PRPF38A: variants seen among roughly 807,000 people sequenced by gnomAD.
The protein encoded by PRPF38A is pre-mRNA-splicing factor 38A.
PRPF38A carries 11 observed loss-of-function variants against 46.8 expected under a neutral mutation model. The ratio of observed to expected loss-of-function variants is 0.24; its 90% CI spans 0.15 to 0.39. The LOEUF is 0.39. Among genes scored for constraint, PRPF38A ranks in the 10% least tolerant of loss-of-function variants. The pLI is 1.00. For missense variants in PRPF38A, 261 were observed against 407.5 expected (o/e 0.64, Z 3.10); for synonymous variants, 124 against 136.2 (o/e 0.91, Z 0.62).
chr1:52,417,487 G>A lies in PRPF38A; in HGVS notation c.*797G>A, dbSNP rs573597976. ...TGGTTTTGACCTAAATTGCTAGACA[G>A]TCGTGCCATTCACAAAGTCAGAAAA... On this transcript the variant is annotated 3_prime_UTR_variant, in exon 10 of 10. Transcript: ENST00000257181. 1 of 152,204 alleles carries A rather than the reference G, an allele frequency of 6.6e-6. No homozygotes were observed. Among genetic ancestry groups the A allele is most frequent in the Non-Finnish European group, 1.5e-5 (1 of 68,042 alleles). 9.4% of individuals were successfully genotyped at this position (152,204 alleles called of 1,614,324 possible). A position where few individuals can be genotyped will look rare whatever the true frequency, so the allele number is the denominator to read the frequency against.
rs768719371 is a variant in PRPF38A at position 52,420,313 on chromosome 1, G to A, written c.*3623G>A. 1 of 152,094 alleles carries A rather than the reference G, an allele frequency of 6.6e-6. No homozygotes were observed. The highest frequency in any genetic ancestry group is 1.5e-5 in the Non-Finnish European group (1 of 68,002). The allele number at this position is 152,094 out of a possible 1,614,324, so 9.4% of individuals were successfully genotyped here. A position where few individuals can be genotyped will look rare whatever the true frequency, so the allele number is the denominator to read the frequency against. On this transcript the variant is annotated 3_prime_UTR_variant, in exon 10 of 10. Transcript: ENST00000257181. The stretch of plus-strand genomic sequence containing the variant: ...ACTTAGGAACAAAGAATCAGTAAAA[G>A]GAGTGTTAGTAAACACTTCAGAAAC...
Position 52,417,722 on chromosome 1 carries a change from A to G in PRPF38A, c.*1032A>G, listed in dbSNP as rs997053090. On this transcript the variant is annotated 3_prime_UTR_variant, in exon 10 of 10. Coordinates refer to ENST00000257181, the MANE Select transcript of PRPF38A (RefSeq NM_032864.4). Reference sequence around the variant, plus strand: ...GTTTAAGTAATGGTGGAATCTGTCAATAAGACTTCCCAGAGTGTTAATATA... The same window carrying G: ...GTTTAAGTAATGGTGGAATCTGTCAGTAAGACTTCCCAGAGTGTTAATATA... 2.6e-5 allele frequency: 4 copies of G among 152,210 alleles called. No homozygotes were observed. The highest frequency in any genetic ancestry group is 1.9e-4 in the East Asian group (1 of 5,198). 9.4% of individuals were successfully genotyped at this position (152,210 alleles called of 1,614,324 possible).
rs543781090 is a variant in PRPF38A at position 52,408,327 on chromosome 1, A to G, written c.291-242A>G. Reference sequence around the variant, plus strand: ...GTTTTATTCTAGTTTTACTGATGATATATTTGAAAGTTGATCAATATGTAT... The same window carrying G: ...GTTTTATTCTAGTTTTACTGATGATGTATTTGAAAGTTGATCAATATGTAT... On this transcript the variant is annotated intron_variant, in intron 2 of 9. Coordinates refer to ENST00000257181, the MANE Select transcript of PRPF38A (RefSeq NM_032864.4). The G allele has an allele frequency of 5.8e-5, 37 of 633,056 alleles. 1 individual carries two copies. Among genetic ancestry groups the G allele is most frequent in the South Asian group, 5.4e-4 (35 of 65,354 alleles). The allele number at this position is 633,056 out of a possible 1,614,324, so 39.2% of individuals were successfully genotyped here. A position where few individuals can be genotyped will look rare whatever the true frequency, so the allele number is the denominator to read the frequency against.
chr1:52,412,163 G>T (rs1236414536), intron 4 of PRPF38A, among the ~76,000 whole-genome samples: 4 of 152,184 alleles, frequency 2.6e-5, no homozygotes, highest in African/African-American at 9.7e-5. Flanking sequence ...GCCTCTTCTA[G>T]TGGAACTACC....
chr1:52,405,520 A>G (rs770084699), intron 1 of PRPF38A, among the ~76,000 whole-genome samples, 160 bp from the exon 2 acceptor site: 1 of 152,246 alleles, frequency 6.6e-6, no homozygotes, highest in Non-Finnish European at 1.5e-5. Flanking sequence ...ATCCATTCTC[A>G]ATGTATATTA....
At chr1:52,410,400 C>G (rs1215698467) in intron 3 of PRPF38A, among the ~76,000 whole-genome samples, 1 of 150,260 alleles carries the variant, frequency 6.7e-6, no homozygotes, top group East Asian at 1.9e-4. Flanking sequence ...ACGCAAATTA[C>G]TTAAATTTAG....
intron 3 of PRPF38A, among the ~76,000 whole-genome samples, chr1:52,410,115 CATAT>C (rs1396737386): frequency 2.7e-5 from 4 of 147,402 alleles, no homozygotes; most frequent in South Asian, 4.2e-4. Flanking sequence ...TATACATAAT[CATAT>C]ATAATTTATA....
At chr1:52,406,590 T>C (rs1648005159) in intron 2 of PRPF38A, among the ~76,000 whole-genome samples, 1 of 152,070 alleles carries the variant, frequency 6.6e-6, no homozygotes, top group African/African-American at 2.4e-5. Context: ...GACTATAATA[T>C]AAGAGTGAAA....
chr1:52,419,356 C>CAAAAAAAAA lies in PRPF38A; in HGVS notation c.*2674_*2682dup, dbSNP rs58201258. On this transcript the variant is annotated 3_prime_UTR_variant, in exon 10 of 10. Coordinates refer to ENST00000257181, the MANE Select transcript of PRPF38A (RefSeq NM_032864.4). The stretch of plus-strand genomic sequence containing the variant: ...GGGCAAAAAGAGCGAAACTCCATCT[C>CAAAAAAAAA]AAAAAAAAAAAAAAAAGAAGAAGAA... 1.1e-5 allele frequency: 1 copy of CAAAAAAAAA among 92,340 alleles called. No individual in the cohort carries two copies. 5.7% of individuals were successfully genotyped at this position (92,340 alleles called of 1,614,324 possible). A position where few individuals can be genotyped will look rare whatever the true frequency, so the allele number is the denominator to read the frequency against.
At chr1:52,410,133 A>T (rs1172762008) in intron 3 of PRPF38A, among the ~76,000 whole-genome samples, 38 of 122,978 alleles carry the variant, frequency 3.1e-4, no homozygotes, top group African/African-American at 2.6e-5. Context: ...ATTTATATAT[A>T]ACATAATTTA....
chr1:52,411,261 A>C, intron 4 of PRPF38A, 61 bp downstream of exon 4: 1 of 1,174,044 alleles, frequency 8.5e-7, no homozygotes, highest in South Asian at 1.2e-5. Flanking sequence ...CAGACAGACA[A>C]ACACATACAC....
Position 52,414,008 on chromosome 1 carries a change from G to T in PRPF38A, c.722+17G>T, listed in dbSNP as rs1162759234. ...TCCCAGAAGGTAAAGCCTAGTCATT[G>T]GCCTTTTCCCAGAAGATTTTGAGCA... On this transcript the variant is annotated intron_variant, in intron 6 of 9. Transcript: ENST00000257181. 1.3e-6 allele frequency: 2 copies of T among 1,546,350 alleles called. No individual in the cohort carries two copies. Among genetic ancestry groups the T allele is most frequent in the South Asian group, 2.2e-5 (2 of 89,388 alleles).
intron 5 of PRPF38A, among the ~76,000 whole-genome samples, chr1:52,412,832 G>A (rs532332042): frequency 1.2e-4 from 18 of 152,208 alleles, no homozygotes; most frequent in African/African-American, 3.9e-4. Context: ...GTGAAACCTC[G>A]TCTCTACTAA....
Position 52,418,663 on chromosome 1 carries a change from T to C in PRPF38A, c.*1973T>C, listed in dbSNP as rs1027160045. The C allele has an allele frequency of 2.0e-5, 3 of 152,236 alleles. No homozygotes were observed. Among genetic ancestry groups the C allele is most frequent in the Admixed American group, 6.5e-5 (1 of 15,282 alleles). 9.4% of individuals were successfully genotyped at this position (152,236 alleles called of 1,614,324 possible). On this transcript the variant is annotated 3_prime_UTR_variant, in exon 10 of 10. Coordinates refer to ENST00000257181, the MANE Select transcript of PRPF38A (RefSeq NM_032864.4). ...AAGAAGGAGGTAAGAGTAAGACATG[T>C]TGCATGTCTGTAGATATCGTTTTGA...
At chr1:52,411,018 A>C in intron 3 of PRPF38A, 97 bp from the exon 4 acceptor site, 1 of 814,000 alleles carries the variant, frequency 1.2e-6, no homozygotes, top group South Asian at 1.6e-5. Context: ...GGCCTAGCAC[A>C]TAGATGTCCT....
Position 52,416,827 on chromosome 1 carries a change from T to A in PRPF38A, c.*137T>A. The stretch of plus-strand genomic sequence containing the variant: ...TTATCAAGTTTCTCAACCTTTATTT[T>A]TAATGAAGGAGGTGCTGAGTTTTGT... On this transcript the variant is annotated 3_prime_UTR_variant, in exon 10 of 10. Coordinates refer to ENST00000257181, the MANE Select transcript of PRPF38A (RefSeq NM_032864.4). 1.4e-6 allele frequency: 1 copy of A among 700,896 alleles called. No homozygotes were observed. Among genetic ancestry groups the A allele is most frequent in the Non-Finnish European group, 2.5e-6 (1 of 394,178 alleles). The allele number at this position is 700,896 out of a possible 1,614,324, so 43.4% of individuals were successfully genotyped here.
intron 2 of PRPF38A, among the ~76,000 whole-genome samples, chr1:52,406,242 C>T (rs527603169): frequency 7.2e-5 from 11 of 151,978 alleles, no homozygotes; most frequent in East Asian, 3.9e-4. Flanking sequence ...CCTCCCCCCC[C>T]GGGCCTCCCA....
At chr1:52,410,532 C>T (rs1648119447) in intron 3 of PRPF38A, among the ~76,000 whole-genome samples, 1 of 148,562 alleles carries the variant, frequency 6.7e-6, no homozygotes, top group Admixed American at 6.7e-5. Flanking sequence ...GATGGAGTCT[C>T]ACTCTGTTGC....
chr1:52,412,485 A>G (rs1648172259), intron 4 of PRPF38A, 29 bp from the exon 5 acceptor site: 4 of 1,515,636 alleles, frequency 2.6e-6, no homozygotes, highest in South Asian at 2.3e-5. Flanking sequence ...AATGGCAACA[A>G]CCCCTAACTC....
Sources: allele counts gnomAD v4.1 joint callset (sites outside exome capture counted in the v4.1 genomes callset), GRCh38; gene constraint gnomAD v4.1.1; transcripts MANE v1.5; gene names NCBI Gene and HGNC (gene_info 2026-07-23, HGNC 2026-07-21).